TIMM17A: variants seen among roughly 807,000 people sequenced by gnomAD.
The protein encoded by TIMM17A is translocase of inner mitochondrial membrane 17A.
A neutral mutation model predicts 26.5 loss-of-function variants in TIMM17A; 15 were observed. That is an observed-to-expected ratio of 0.57 (90% CI 0.38 to 0.87). The LOEUF is 0.87. TIMM17A is among the 40% of genes least tolerant of loss of function. The pLI is 0.00. For synonymous variants in TIMM17A, 80 were observed against 70.8 expected, an observed-to-expected ratio of 1.13 and a Z score of -0.66; for missense variants, 201 against 210.0, an observed-to-expected ratio of 0.96 and a Z score of 0.27.
intron 5 of TIMM17A, among the ~76,000 whole-genome samples, chr1:201,967,240 G>A (rs1437372934): frequency 1.3e-5 from 2 of 151,844 alleles, no homozygotes; most frequent in East Asian, 1.9e-4. Flanking sequence ...TGCACTGCTC[G>A]TTAAATGGCA....
At chr1:201,959,284 A>G (rs1263387764) in intron 3 of TIMM17A, among the ~76,000 whole-genome samples, 3 of 151,952 alleles carry the variant, frequency 2.0e-5, no homozygotes, top group African/African-American at 7.3e-5. Flanking sequence ...TGAACCCAGG[A>G]GGTGGAGTTT....
intron 5 of TIMM17A, among the ~76,000 whole-genome samples, chr1:201,967,395 A>T (rs916540531): frequency 1.3e-5 from 2 of 152,252 alleles, no homozygotes; most frequent in Admixed American, 6.5e-5. Flanking sequence ...TAAAACATCA[A>T]AACAGTTCCA....
Position 201,955,565 on chromosome 1 carries a change from G to T in TIMM17A, c.26+13G>T. On this transcript the variant is annotated intron_variant, in intron 1 of 5. Transcript: ENST00000367287. The stretch of plus-strand genomic sequence containing the variant: ...CGCGAGAGCCTTGGTGAGCTTCACC[G>T]CTGTCTTTGCATTTCTCTTGCCCCC... The T allele has an allele frequency of 6.2e-7, 1 of 1,614,198 alleles. No individual in the cohort carries two copies. Among genetic ancestry groups the T allele is most frequent in the Non-Finnish European group, 8.5e-7 (1 of 1,180,014 alleles).
intron 1 of TIMM17A, among the ~76,000 whole-genome samples, chr1:201,956,955 C>CA (rs769517453): frequency 0.016 from 982 of 61,094 alleles, 5 homozygotes; most frequent in Middle Eastern, 0.045. Context: ...GACTCCATCT[C>CA]AAAAAAAAAA....
rs1325327378 is a variant in TIMM17A, at chr1:201,965,443, G to A, written c.330G>A (p.Val110=). The change falls in exon 5 of 6, where the codon GTG becomes GTA. Residue 110 remains valine (V), a synonymous_variant. Transcript: ENST00000367287. ...GAILAARNGP[V]AMVGSAAMGG... ...TATTAATGTCTTCAGATGGACCAGT[G>A]GCCATGGTTGGGTCAGCCGCAATGG... 3.1e-6 allele frequency: 5 copies of A among 1,609,526 alleles called. No homozygotes were observed. Among genetic ancestry groups the A allele is most frequent in the Non-Finnish European group, 3.4e-6 (4 of 1,175,930 alleles).
chr1:201,964,258 G>T (rs1230318537), intron 4 of TIMM17A, among the ~76,000 whole-genome samples: 1 of 152,180 alleles, frequency 6.6e-6, no homozygotes, highest in African/African-American at 2.4e-5. Flanking sequence ...TCAGGTCCCA[G>T]TTCTGCCATT....
intron 5 of TIMM17A, among the ~76,000 whole-genome samples, chr1:201,967,645 C>T (rs28525464): frequency 3.3e-5 from 5 of 151,738 alleles, no homozygotes; most frequent in South Asian, 4.1e-4. Context: ...TGGGCTCAGG[C>T]GATCCTCCCA....
chr1:201,969,650 G>C lies in TIMM17A; in HGVS notation c.*96G>C. The C allele has an allele frequency of 5.9e-6, 6 of 1,021,176 alleles. No individual in the cohort carries two copies. Among genetic ancestry groups the C allele is most frequent in the Non-Finnish European group, 9.2e-6 (6 of 653,832 alleles). 63.3% of individuals were successfully genotyped at this position (1,021,176 alleles called of 1,614,324 possible). ...AGTCTGTTTTTAAAACCATAGGTGG[G>C]ACAGCTATGGCCAATAGGCTATAAA... On this transcript the variant is annotated 3_prime_UTR_variant, in exon 6 of 6. Coordinates refer to ENST00000367287, the MANE Select transcript of TIMM17A (RefSeq NM_006335.3).
At chr1:201,968,657 A>G (rs747322963) in intron 5 of TIMM17A, among the ~76,000 whole-genome samples, 7 of 152,080 alleles carry the variant, frequency 4.6e-5, no homozygotes, top group Non-Finnish European at 7.3e-5. Flanking sequence ...TACAGGCGAG[A>G]GCCACCGCAC....
chr1:201,962,159 G>A (rs1473388593), intron 3 of TIMM17A: 3 of 151,814 alleles, frequency 2.0e-5, no homozygotes, highest in African/African-American at 4.8e-5. Context: ...GAAATGGGAG[G>A]GTCTTGTCAG....
chr1:201,969,137 A>T (rs923678122), intron 5 of TIMM17A, among the ~76,000 whole-genome samples: 1 of 152,246 alleles, frequency 6.6e-6, no homozygotes, highest in African/African-American at 2.4e-5. Flanking sequence ...AAACTCTTCT[A>T]ATCTTGATAT....
intron 4 of TIMM17A, among the ~76,000 whole-genome samples, chr1:201,964,743 G>A (rs567815968): frequency 5.1e-4 from 71 of 139,714 alleles, no homozygotes; most frequent in African/African-American, 1.8e-3. Flanking sequence ...CTGCCTCCCG[G>A]GTTCAAGCGA....
In TIMM17A at chr1:201,957,299, T is replaced by C. The variant is rs776202673; in HGVS notation, c.45T>C (p.Asp15=). The change falls in exon 2 of 6, where the codon GAT becomes GAC. Residue 15 remains aspartate (D), a synonymous_variant. Transcript: ENST00000367287. Reference sequence around the variant, plus strand: ...TTCTTAGCCCATGGCGAATTGTGGATGACTGTGGTGGGGCCTTTACGATGG... The same window carrying C: ...TTCTTAGCCCATGGCGAATTGTGGACGACTGTGGTGGGGCCTTTACGATGG... ...AREPCPWRIV[D]DCGGAFTMGT... is the part of the protein sequence containing the mutation. 1.2e-6 allele frequency: 2 copies of C among 1,612,666 alleles called. No individual in the cohort carries two copies. The highest frequency in any genetic ancestry group is 3.3e-5 in the Admixed American group (2 of 59,876).
chr1:201,956,497 G>C (rs767627033), intron 1 of TIMM17A, among the ~76,000 whole-genome samples: 2 of 152,152 alleles, frequency 1.3e-5, no homozygotes, highest in Non-Finnish European at 2.9e-5. Context: ...CAAAATATAA[G>C]TTTTAGGGTC....
chr1:201,959,319 G>A (rs1266741947), intron 3 of TIMM17A, among the ~76,000 whole-genome samples: 1 of 151,850 alleles, frequency 6.6e-6, no homozygotes, highest in Non-Finnish European at 1.5e-5. Flanking sequence ...TTGCACCACT[G>A]TACTCCAGGC....
Position 201,963,707 on chromosome 1 carries a change from A to C in TIMM17A, c.282A>C (p.Thr94=). The change falls in exon 4 of 6, where the codon ACA becomes ACC. Residue 94 remains threonine (T), a synonymous_variant. Coordinates refer to ENST00000367287, the MANE Select transcript of TIMM17A (RefSeq NM_006335.3). ...RGKEDPWNSI[T]SGALTGAILA... ...AGGAAGATCCCTGGAACTCCATCAC[A>C]AGTGGTGCCTTAACGGGAGCCATAC... The C allele has an allele frequency of 6.2e-7, 1 of 1,611,756 alleles. No homozygotes were observed. Among genetic ancestry groups the C allele is most frequent in the Non-Finnish European group, 8.5e-7 (1 of 1,179,456 alleles).
intron 5 of TIMM17A, among the ~76,000 whole-genome samples, chr1:201,966,993 G>T (rs201118333): frequency 1.3e-4 from 4 of 29,904 alleles, no homozygotes; most frequent in South Asian, 1.1e-3. Flanking sequence ...TATATATGTT[G>T]TGTGTGTGTG....
In TIMM17A at chr1:201,969,406, T is replaced by C. The variant is rs1271448770; in HGVS notation, c.431-63T>C. 7.0e-6 allele frequency: 9 copies of C among 1,293,166 alleles called. No individual in the cohort carries two copies. The Admixed American group carries it at 1.5e-4, about 21-fold the overall frequency. 80.1% of individuals were successfully genotyped at this position (1,293,166 alleles called of 1,614,324 possible). ...TGATTGATTTACTCTCTATAGAGAT[T>C]TGTTCTTTTTAATAATATAATATTC... On this transcript the variant is annotated intron_variant, in intron 5 of 5. Coordinates refer to ENST00000367287, the MANE Select transcript of TIMM17A (RefSeq NM_006335.3).
At position 201,965,454 on chromosome 1, in the gene TIMM17A, G is replaced by A; in HGVS notation, c.341G>A (p.Gly114Glu). The change falls in exon 5 of 6, where the codon GGG becomes GAG. Residue 114 changes from glycine to glutamate, a missense_variant. Transcript: ENST00000367287. ...AARNGPVAMV[G>E]SAAMGGILLA... ...TCAGATGGACCAGTGGCCATGGTTG[G>A]GTCAGCCGCAATGGGTGGCATTCTC... 2 of 1,613,658 alleles carry A rather than the reference G, an allele frequency of 1.2e-6. No individual in the cohort carries two copies. The highest frequency in any genetic ancestry group is 1.7e-6 in the Non-Finnish European group (2 of 1,179,554).
Sources: gnomAD v4.1 joint callset for allele counts (sites outside exome capture counted in the v4.1 genomes callset) on GRCh38, gnomAD v4.1.1 for gene constraint, MANE v1.5 for transcripts, NCBI Gene and HGNC (gene_info 2026-07-23, HGNC 2026-07-21) for gene names.